ROBO4: variants seen among roughly 807,000 people sequenced by gnomAD.
ROBO4 encodes roundabout guidance receptor 4, also known as roundabout homolog 4.
A neutral mutation model predicts 103.3 loss-of-function variants in ROBO4; 80 were observed. The observed-to-expected ratio is 0.77, with a 90% CI of 0.65 to 0.93. The LOEUF (loss-of-function observed/expected upper bound fraction) is 0.93, where lower values mean the gene tolerates loss of function less well. Among genes scored for constraint, ROBO4 ranks in the 40% least tolerant of loss-of-function variants. The pLI is 0.00. For missense variants in ROBO4, 1,333 were observed against 1,305.3 expected (o/e 1.02, Z -0.33); for synonymous variants, 504 against 529.7 (o/e 0.95, Z 0.67).
At position 124,895,550 on chromosome 11, in the gene ROBO4, A is replaced by C; in HGVS notation, c.943T>G (p.Trp315Gly). The change falls in exon 6 of 18, where the codon TGG becomes GGG. Residue 315 changes from tryptophan (W) to glycine (G), a missense_variant. Physicochemically the swap from Trp to Gly is radical, Grantham distance 184. Transcript: ENST00000306534. Reference sequence around the variant, plus strand: ...ACTTTGAACTCGTAGTCTTGGCCCCAGTGGAGGCCTCCAAGCTCTGCGCTC... The same window carrying C: ...ACTTTGAACTCGTAGTCTTGGCCCCCGTGGAGGCCTCCAAGCTCTGCGCTC... ...WQSAELGGLH[W>G]GQDYEFKVRP... The C allele has an allele frequency of 6.2e-7, 1 of 1,612,770 alleles. No individual in the cohort carries two copies. The highest frequency in any genetic ancestry group is 1.3e-5 in the African/African-American group (1 of 75,032).
At position 124,894,375 on chromosome 11, in the gene ROBO4, G is replaced by T. The variant is rs1489316896; in HGVS notation, c.1150-6C>A. The T allele has an allele frequency of 6.2e-7, 1 of 1,609,368 alleles. No individual in the cohort carries two copies. Among genetic ancestry groups the T allele is most frequent in the South Asian group, 1.1e-5 (1 of 90,502 alleles). On this transcript the variant is annotated splice_region_variant and splice_polypyrimidine_tract_variant and intron_variant, in intron 7 of 17. Transcript: ENST00000306534. The stretch of plus-strand genomic sequence containing the variant: ...GTGTTGCCCAGGCTCCAGACCTGAG[G>T]CACAAGCAGAGGTGAACAGCTTCCC...
chr11:124,894,079 G>A (rs4612815), intron 8 of ROBO4, 34 bp from the exon 9 acceptor site: 56,058 of 1,541,416 alleles, frequency 0.036, 1,254 homozygotes, highest in South Asian at 0.07. Flanking sequence ...GGGAGAGGGA[G>A]TCGAGGCATT....
rs1946726359 is a variant in ROBO4, at chr11:124,887,094, G to A, written c.2318C>T (p.Ala773Val). ...TGAGGAGCTGGACAGGCGACTGGAAGCTGGGCTGGGGCCAGAGAGGGAAGA... is the reference window on the plus strand; with the variant it reads ...TGAGGAGCTGGACAGGCGACTGGAAACTGGGCTGGGGCCAGAGAGGGAAGA... ...QASSLSGPSP[A>V]SSRLSSSSLS... Residue 773 changes from alanine (A) to valine (V), a missense_variant, in exon 15 of 18, where the codon GCT (alanine) becomes GTT (valine). Transcript: ENST00000306534. 1 of 1,613,840 alleles carries A rather than the reference G, an allele frequency of 6.2e-7. No individual in the cohort carries two copies. Among genetic ancestry groups the A allele is most frequent in the Non-Finnish European group, 8.5e-7 (1 of 1,179,814 alleles).
intron 14 of ROBO4, 68 bp from the exon 15 acceptor site, chr11:124,887,281 C>T: frequency 6.2e-7 from 1 of 1,604,286 alleles, no homozygotes; most frequent in Non-Finnish European, 8.5e-7. Context: ...CCCCCTTCCC[C>T]AGCCTGTCCA....
In ROBO4 at chr11:124,896,680, G is replaced by T; in HGVS notation, c.401-10C>A. On this transcript the variant is annotated splice_polypyrimidine_tract_variant and intron_variant, in intron 2 of 17. Transcript: ENST00000306534. ...AAATCCTCCCGGAGGACTGTGGGGA[G>T]GATGGAAGGTGACACGGAGCAGGGC... The T allele has an allele frequency of 6.2e-7, 1 of 1,613,514 alleles. No individual in the cohort carries two copies. Among genetic ancestry groups the T allele is most frequent in the Non-Finnish European group, 8.5e-7 (1 of 1,179,706 alleles).
chr11:124,888,466 A>G (rs1043154628), intron 12 of ROBO4, among the ~76,000 whole-genome samples: 1 of 152,224 alleles, frequency 6.6e-6, no homozygotes, highest in Non-Finnish European at 1.5e-5. Flanking sequence ...TCGACACACA[A>G]TGTTGGCTGT....
At position 124,884,855 on chromosome 11, in the gene ROBO4, T is replaced by C. The variant is rs772188934; in HGVS notation, c.*36A>G. ...TCTTGTGGGTGGACAGGAGAAGTGG[T>C]TCTGATTCCCGTCTGGGAAGTCTCA... On this transcript the variant is annotated 3_prime_UTR_variant, in exon 18 of 18. Transcript: ENST00000306534. 2.5e-6 allele frequency: 4 copies of C among 1,613,606 alleles called. No homozygotes were observed. The South Asian group carries it at 4.4e-5, about 18-fold the overall frequency.
In ROBO4 at chr11:124,884,683, TGCTCCCTGAGG is replaced by T. The variant is rs1946683074; in HGVS notation, c.*197_*207del. 1.6e-6 allele frequency: 1 copy of T among 619,288 alleles called. No homozygotes were observed. The highest frequency in any genetic ancestry group is 1.8e-5 in the African/African-American group (1 of 54,220). 38.4% of individuals were successfully genotyped at this position (619,288 alleles called of 1,614,324 possible). A position where few individuals can be genotyped will look rare whatever the true frequency, so the allele number is the denominator to read the frequency against. On this transcript the variant is annotated 3_prime_UTR_variant, in exon 18 of 18. Coordinates refer to ENST00000306534, the MANE Select transcript of ROBO4 (RefSeq NM_019055.6). ...TAGGAGTCAGGTGGAGATGATGTTT[TGCTCCCTGAGG>T]GCTCCAGGTCAGCTTTGCTCTAATT... is the stretch of plus-strand genomic sequence containing the variant.
Position 124,885,113 on chromosome 11 carries a change from G to C in ROBO4, c.2929C>G (p.Pro977Ala), listed in dbSNP as rs1337771971. 4 of 1,614,100 alleles carry C rather than the reference G, an allele frequency of 2.5e-6. No homozygotes were observed. The highest frequency in any genetic ancestry group is 1.6e-4 in the Middle Eastern group (1 of 6,062). Residue 977 changes from proline to alanine, a missense_variant, in exon 17 of 18, where the codon CCT becomes GCT. By Grantham distance (27) the Pro-to-Ala change is conservative (BLOSUM62 -1). Transcript: ENST00000306534. The part of the protein sequence containing the change: ...SHTQRLGRGM[P>A]PWPPDSQISS... ...ATCTGAGAGTCAGGGGGCCAGGGAGGCATCCCCCTTCCCAGCCGCTGGGTG... is the reference window on the plus strand; with the variant it reads ...ATCTGAGAGTCAGGGGGCCAGGGAGCCATCCCCCTTCCCAGCCGCTGGGTG...
At chr11:124,890,104 G>A (rs988940219) in intron 12 of ROBO4, among the ~76,000 whole-genome samples, 14 of 152,218 alleles carry the variant, frequency 9.2e-5, no homozygotes, top group African/African-American at 3.4e-4. Flanking sequence ...TAAAGTTGGT[G>A]TAGTTCTCCC....
intron 1 of ROBO4, 136 bp from the exon 2 acceptor site, chr11:124,897,397 A>G (rs368343066): frequency 5.7e-6 from 4 of 698,506 alleles, no homozygotes; most frequent in South Asian, 2.4e-5. Context: ...GTTGCCTCCC[A>G]AAGAACAAGC....
chr11:124,891,795 G>A lies in ROBO4; in HGVS notation c.1555C>T (p.His519Tyr), dbSNP rs1377414130. The change falls in exon 11 of 18, where the codon CAC (histidine) becomes TAC (tyrosine). Residue 519 changes from histidine (H) to tyrosine (Y), a missense_variant. By Grantham distance (83) the His-to-Tyr change is moderately conservative. Coordinates refer to ENST00000306534, the MANE Select transcript of ROBO4 (RefSeq NM_019055.6). The part of the protein sequence containing the change: ...EDAILKHRMD[H>Y]SDSQWLADTW... The stretch of plus-strand genomic sequence containing the variant: ...TCTGCCAACCACTGGGAGTCACTGT[G>A]ATCCATCCTGGGGCAGTGGAGGGAG... 1.2e-6 allele frequency: 2 copies of A among 1,614,120 alleles called. No individual in the cohort carries two copies. Among genetic ancestry groups the A allele is most frequent in the Admixed American group, 3.3e-5 (2 of 60,018 alleles).
chr11:124,895,838 G>C lies in ROBO4; in HGVS notation c.754C>G (p.Pro252Ala). 6.2e-7 allele frequency: 1 copy of C among 1,614,158 alleles called. No homozygotes were observed. Residue 252 changes from proline to alanine, a missense_variant, in exon 5 of 18, where the codon CCG becomes GCG. Pro to Ala is a conservative substitution (Grantham distance 27). Coordinates refer to ENST00000306534, the MANE Select transcript of ROBO4 (RefSeq NM_019055.6). The stretch of plus-strand genomic sequence containing the variant: ...GGCTTGGGGCCCTCTGCAGGATCCG[G>C]GTTCAGCAGTGTCACATTTTCCAGC... ...IQLENVTLLN[P>A]DPAEGPKPRP...
intron 15 of ROBO4, 54 bp downstream of exon 15, chr11:124,886,923 C>G (rs1245716801): frequency 6.4e-7 from 1 of 1,558,504 alleles, no homozygotes; most frequent in African/African-American, 1.4e-5. Context: ...GGTGGAGAGG[C>G]GCTTGCCCCC....
chr11:124,886,767 T>G lies in ROBO4; in HGVS notation c.2491A>C (p.Ile831Leu), dbSNP rs374708788. Reference sequence around the variant, plus strand: ...AACTCTGAGGCTGTTGGGACGCTGATGTACCCATAGGTGGTGGGGGGTGAA... The same window carrying G: ...AACTCTGAGGCTGTTGGGACGCTGAGGTACCCATAGGTGGTGGGGGGTGAA... ...APSPPTTYGY[I>L]SVPTASEFTD... Residue 831 changes from isoleucine to leucine, a missense_variant, in exon 16 of 18, where the codon ATC (isoleucine) becomes CTC (leucine). Coordinates refer to ENST00000306534, the MANE Select transcript of ROBO4 (RefSeq NM_019055.6). 2 of 1,566,678 alleles carry G rather than the reference T, an allele frequency of 1.3e-6. No homozygotes were observed. The highest frequency in any genetic ancestry group is 1.7e-6 in the Non-Finnish European group (2 of 1,153,690).
intron 1 of ROBO4, chr11:124,897,495 T>TCTC: frequency 1.9e-6 from 1 of 532,472 alleles, no homozygotes; most frequent in Non-Finnish European, 3.4e-6. Context: ...CTCTCTCTCT[T>TCTC]ACTTTCTCTC....
At chr11:124,892,332 G>A (rs1946812964) in intron 10 of ROBO4, 1 of 317,118 alleles carries the variant, frequency 3.2e-6, no homozygotes, top group Non-Finnish European at 6.2e-6. Context: ...GATCCTTCAA[G>A]AACAGGGATC....
At chr11:124,891,007 A>G (rs1392351375) in intron 12 of ROBO4, among the ~76,000 whole-genome samples, 1 of 152,242 alleles carries the variant, frequency 6.6e-6, no homozygotes, top group Non-Finnish European at 1.5e-5. Flanking sequence ...TTTGGCATGC[A>G]GTGGTGCTTA....
intron 10 of ROBO4, chr11:124,892,759 G>A (rs1446552671): frequency 6.6e-6 from 1 of 152,386 alleles, no homozygotes; most frequent in East Asian, 1.9e-4. Context: ...AGGAAAGAAT[G>A]AACCAAAGAT....
Sources: gnomAD v4.1 joint callset for allele counts (sites outside exome capture counted in the v4.1 genomes callset) on GRCh38, gnomAD v4.1.1 for gene constraint, MANE v1.5 for transcripts, NCBI Gene and HGNC (gene_info 2026-07-23, HGNC 2026-07-21) for gene names.